HIVEP2: variants seen among roughly 807,000 people sequenced by gnomAD.
HIVEP2 encodes the protein transcription factor HIVEP2.
HIVEP2 carries 14 observed loss-of-function variants against 180.7 expected under a neutral mutation model. The ratio of observed to expected loss-of-function variants is 0.08; its 90% CI spans 0.05 to 0.12. HIVEP2 has a LOEUF of 0.12. HIVEP2 is among the 10% of genes least tolerant of loss of function. HIVEP2 has a pLI of 1.00. For synonymous variants in HIVEP2, 1,184 were observed against 1,136.4 expected (o/e 1.04, Z -0.84); for missense variants, 2,579 against 3,008.5 (o/e 0.86, Z 3.34).
intron 1 of HIVEP2, among the ~76,000 whole-genome samples, chr6:142,863,515 T>TAA (rs1776059839): frequency 6.6e-6 from 1 of 152,198 alleles, no homozygotes; most frequent in East Asian, 1.9e-4. Context: ...GCATATCTGA[T>TAA]AAAATATTAC....
Position 142,771,700 on chromosome 6 carries a change from T to A in HIVEP2, c.3039A>T (p.Ser1013=), listed in dbSNP as rs1197227261. The A allele has an allele frequency of 6.2e-7, 1 of 1,614,088 alleles. No individual in the cohort carries two copies. Among genetic ancestry groups the A allele is most frequent in the Non-Finnish European group, 8.5e-7 (1 of 1,180,044 alleles). Residue 1013 remains serine (S), a synonymous_variant, in exon 5 of 10, where the codon TCA becomes TCT. Transcript: ENST00000367603. This position sits in a 1 kb window ranked among gnomAD's most constrained non-coding sequence, Gnocchi z 5.4. ...GATGGCCTGGGACAGACAATGAGTA[T>A]GAACCAGCAGGGACAGTCAGAAACT... ...HSEFLTVPAG[S]YSLSVPGHHH...
intron 2 of HIVEP2, among the ~76,000 whole-genome samples, chr6:142,793,299 G>A (rs189650001): frequency 6.6e-6 from 1 of 152,200 alleles, no homozygotes; most frequent in Admixed American, 6.5e-5. Flanking sequence ...GTAGAAAATT[G>A]TGATACTCAT....
At chr6:142,853,953 C>T (rs186962881) in intron 1 of HIVEP2, among the ~76,000 whole-genome samples, 27 of 152,232 alleles carry the variant, frequency 1.8e-4, no homozygotes, top group Admixed American at 1.6e-3. Flanking sequence ...GGAATTCCTA[C>T]CACAAGGCAA....
In HIVEP2 at chr6:142,751,536, T is replaced by C. The variant is rs1230964810; in HGVS notation, c.*1571A>G. The C allele has an allele frequency of 1.3e-5, 2 of 152,696 alleles. No individual in the cohort carries two copies. The highest frequency in any genetic ancestry group is 6.5e-5 in the Admixed American group (1 of 15,292). 9.5% of individuals were successfully genotyped at this position (152,696 alleles called of 1,614,324 possible). On this transcript the variant is annotated 3_prime_UTR_variant, in exon 10 of 10. Transcript: ENST00000367603. ...CCTTAATGTAATTCAATATACAAACTTGGTTTCACAGAATTATAATCCACT... is the reference window on the plus strand; with the variant it reads ...CCTTAATGTAATTCAATATACAAACCTGGTTTCACAGAATTATAATCCACT...
rs1465648878 is a variant in HIVEP2, at chr6:142,772,293, T to A, written c.2446A>T (p.Arg816Trp). Residue 816 changes from arginine to tryptophan, a missense_variant, in exon 5 of 10, where the codon AGG becomes TGG. Coordinates refer to ENST00000367603, the MANE Select transcript of HIVEP2 (RefSeq NM_006734.4). The surrounding 1 kb of genome is among the most constrained non-coding windows in gnomAD (Gnocchi z 4.9). ...NSLSRPNSFE[R>W]SESAELVACT... ...GCCACAAGTTCGGCTGACTCAGACC[T>A]TTCAAATGAATTGGGTCGGCTCAGT... 6.2e-7 allele frequency: 1 copy of A among 1,614,236 alleles called. No individual in the cohort carries two copies. The highest frequency in any genetic ancestry group is 1.7e-5 in the Admixed American group (1 of 60,030).
intron 2 of HIVEP2, among the ~76,000 whole-genome samples, chr6:142,801,874 T>C (rs1055192184): frequency 1.5e-4 from 23 of 152,192 alleles, no homozygotes; most frequent in African/African-American, 5.3e-4. Flanking sequence ...AGTTCATTTG[T>C]ATTCATCTTT....
intron 1 of HIVEP2, among the ~76,000 whole-genome samples, chr6:142,910,553 G>C (rs1303295924): frequency 6.6e-6 from 1 of 152,246 alleles, no homozygotes; most frequent in African/African-American, 2.4e-5. Context: ...AGTGAGCCAA[G>C]ATTGTGCCAC....
In HIVEP2 at chr6:142,760,593, C is replaced by T. The variant is rs369985418; in HGVS notation, c.5695G>A (p.Asp1899Asn). The change falls in exon 9 of 10, where the codon GAT becomes AAT. Residue 1899 changes from aspartate (D) to asparagine (N), a missense_variant. Asp to Asn is a conservative substitution (Grantham distance 23). Coordinates refer to ENST00000367603, the MANE Select transcript of HIVEP2 (RefSeq NM_006734.4). ...SSISTDHQFS[D>N]AEESDGEDGD... ...TCCTCACCATCTGATTCCTCAGCATCGGAGAACTGATGATCAGTTGAAATG... is the reference window on the plus strand; with the variant it reads ...TCCTCACCATCTGATTCCTCAGCATTGGAGAACTGATGATCAGTTGAAATG... 7.4e-6 allele frequency: 12 copies of T among 1,613,348 alleles called. No individual in the cohort carries two copies. Among genetic ancestry groups the T allele is most frequent in the African/African-American group, 5.3e-5 (4 of 74,878 alleles).
intron 9 of HIVEP2, among the ~76,000 whole-genome samples, chr6:142,756,797 T>TTATCTATCTATC (rs10660970): frequency 2.5e-4 from 37 of 150,030 alleles, no homozygotes; most frequent in Admixed American, 4.6e-4. Context: ...AAAAGATACC[T>TTATCTATCTATC]TATCTATCTA....
intron 9 of HIVEP2, among the ~76,000 whole-genome samples, chr6:142,756,000 T>C (rs1775056551): frequency 1.3e-5 from 2 of 152,260 alleles, no homozygotes; most frequent in South Asian, 4.1e-4. Context: ...ATAAATGTGG[T>C]GGACAAACTT....
intron 1 of HIVEP2, among the ~76,000 whole-genome samples, chr6:142,842,564 G>A (rs1217228159): frequency 6.6e-6 from 1 of 152,188 alleles, no homozygotes. Context: ...TATGTGTCAA[G>A]TTTGTCAAGT....
At chr6:142,769,460 A>AT (rs953580643) in intron 5 of HIVEP2, 92 bp downstream of exon 5, 10,042 of 953,694 alleles carry the variant, frequency 0.011, no homozygotes, top group Non-Finnish European at 0.012. Flanking sequence ...TTTTACTTGT[A>AT]TTTTTTTTTT....
At chr6:142,860,953 T>G (rs1476722475) in intron 1 of HIVEP2, among the ~76,000 whole-genome samples, 1 of 152,178 alleles carries the variant, frequency 6.6e-6, no homozygotes, top group African/African-American at 2.4e-5. Flanking sequence ...TATTTAATGT[T>G]GGAAAAACTA....
At chr6:142,763,759 G>A (rs1453648320) in intron 7 of HIVEP2, among the ~76,000 whole-genome samples, 1 of 152,118 alleles carries the variant, frequency 6.6e-6, no homozygotes, top group African/African-American at 2.4e-5. Context: ...TATTTAAAAG[G>A]CCATATGATT....
At chr6:142,761,392 T>C (rs1775232612) in intron 8 of HIVEP2, 72 bp downstream of exon 8, 4 of 719,284 alleles carry the variant, frequency 5.6e-6, no homozygotes, top group South Asian at 5.2e-5. Context: ...CTAAACTTAT[T>C]TTACTACCTC....
chr6:142,771,148 T>C lies in HIVEP2; in HGVS notation c.3591A>G (p.Pro1197=). 6.2e-7 allele frequency: 1 copy of C among 1,614,106 alleles called. No homozygotes were observed. The highest frequency in any genetic ancestry group is 8.5e-7 in the Non-Finnish European group (1 of 1,180,026). ...ACAAGGCATTCTGGATTGGAGAAAA[T>C]GGAATTGTCTCTTGATGTGGAAATA... ...PHLFPHQETI[P]FSPIQNALFQ... The change falls in exon 5 of 10, where the codon CCA becomes CCG. Residue 1197 remains proline (P), a synonymous_variant. Transcript: ENST00000367603. The surrounding 1 kb of genome is among the most constrained non-coding windows in gnomAD (Gnocchi z 5.4).
intron 1 of HIVEP2, among the ~76,000 whole-genome samples, chr6:142,906,025 T>C (rs1196003383): frequency 6.6e-6 from 1 of 152,108 alleles, no homozygotes; most frequent in African/African-American, 2.4e-5. Context: ...TCCCAGCTAC[T>C]TGGGAGGCTG....
intron 1 of HIVEP2, among the ~76,000 whole-genome samples, chr6:142,876,491 G>C (rs1776441178): frequency 1.3e-5 from 2 of 152,108 alleles, no homozygotes; most frequent in South Asian, 2.1e-4. Flanking sequence ...TTCCATAGTA[G>C]ACAGGTGCAG....
At chr6:142,809,607 G>A (rs1210352081) in intron 2 of HIVEP2, among the ~76,000 whole-genome samples, 1 of 151,792 alleles carries the variant, frequency 6.6e-6, no homozygotes, top group African/African-American at 2.4e-5. Flanking sequence ...TTGTTTGTTT[G>A]TTTTGAGATG....
Sources: gnomAD v4.1 joint callset for allele counts (sites outside exome capture counted in the v4.1 genomes callset) on GRCh38, gnomAD v4.1.1 for gene constraint, Gnocchi (gnomAD v3.1) non-coding constraint, MANE v1.5 for transcripts, NCBI Gene and HGNC (gene_info 2026-07-23, HGNC 2026-07-21) for gene names.